The following MAP1B variants were observed in gnomAD, a reference collection of about 807,000 sequenced individuals.
The protein encoded by MAP1B is microtubule associated protein 1B, also known as microtubule-associated protein 1B.
In MAP1B, 12 loss-of-function variants were observed where a neutral mutation model predicts 176.1. That is an observed-to-expected ratio of 0.07 (90% CI 0.04 to 0.11). The LOEUF is 0.11. Among genes scored for constraint, MAP1B ranks in the 10% least tolerant of loss-of-function variants. The probability of loss-of-function intolerance (pLI) is 1.00; values close to 1 mark genes in which losing one functional copy is unlikely to be tolerated. For missense variants in MAP1B, 2,523 were observed against 2,990.5 expected (o/e 0.84, Z 3.65); for synonymous variants, 1,044 against 1,135.0 (o/e 0.92, Z 1.61).
intron 2 of MAP1B, among the ~76,000 whole-genome samples, chr5:72,157,839 T>A (rs1309488027): frequency 6.6e-6 from 1 of 152,104 alleles, no homozygotes; most frequent in African/African-American, 2.4e-5. Context: ...TAGAAAGCAG[T>A]TACTAAATGC....
At chr5:72,135,878 T>C (rs550070497) in intron 2 of MAP1B, among the ~76,000 whole-genome samples, 11 of 152,328 alleles carry the variant, frequency 7.2e-5, no homozygotes, top group African/African-American at 2.6e-4. Flanking sequence ...TAGATGATTA[T>C]TGCTCCTGTA....
intron 2 of MAP1B, among the ~76,000 whole-genome samples, chr5:72,143,413 C>T (rs980252149): frequency 2.0e-5 from 3 of 152,154 alleles, no homozygotes; most frequent in Admixed American, 6.5e-5. Context: ...TCATTATGAA[C>T]GTCATCCACA....
At chr5:72,124,031 G>A (rs1419348181) in intron 2 of MAP1B, among the ~76,000 whole-genome samples, 1 of 152,140 alleles carries the variant, frequency 6.6e-6, no homozygotes, top group East Asian at 1.9e-4. Context: ...TGAAAATGGA[G>A]AGTATAATAA....
chr5:72,161,603 T>G (rs1184829158), intron 2 of MAP1B, among the ~76,000 whole-genome samples: 1 of 152,142 alleles, frequency 6.6e-6, no homozygotes, highest in Non-Finnish European at 1.5e-5. Context: ...AAGGGACTTC[T>G]GCTCCCTCAG....
At chr5:72,124,329 A>G (rs1745585659) in intron 2 of MAP1B, among the ~76,000 whole-genome samples, 1 of 152,218 alleles carries the variant, frequency 6.6e-6, no homozygotes, top group African/African-American at 2.4e-5. Context: ...GGGACTGGAG[A>G]AATTAACATA....
chr5:72,162,233 G>C (rs1746341758), intron 2 of MAP1B, among the ~76,000 whole-genome samples: 1 of 152,040 alleles, frequency 6.6e-6, no homozygotes, highest in Non-Finnish European at 1.5e-5. Flanking sequence ...GTCTGAGCTG[G>C]GGAGAAAGGA....
In MAP1B at chr5:72,207,958, CTCTCTTTTTTT is replaced by C. The variant is rs750942581; in HGVS notation, c.*2721_*2731del. 3 of 138,884 alleles carry C rather than the reference CTCTCTTTTTTT, an allele frequency of 2.2e-5. No homozygotes were observed. Among genetic ancestry groups the C allele is most frequent in the African/African-American group, 5.2e-5 (2 of 38,270 alleles). 8.6% of individuals were successfully genotyped at this position (138,884 alleles called of 1,614,324 possible). A position where few individuals can be genotyped will look rare whatever the true frequency, so the allele number is the denominator to read the frequency against. ...CACCCTCCTCACTTTCTCTCTCTCT[CTCTCTTTTTTT>C]TTTTTTTTTTTTTTGCTATGGGATT... is the stretch of plus-strand genomic sequence containing the variant. On this transcript the variant is annotated 3_prime_UTR_variant, in exon 7 of 7. Transcript: ENST00000296755.
At chr5:72,192,026 CCT>C (rs1324701478) in intron 4 of MAP1B, among the ~76,000 whole-genome samples, 5 of 152,138 alleles carry the variant, frequency 3.3e-5, no homozygotes, top group African/African-American at 1.2e-4. Context: ...GGCTGCCACA[CCT>C]CTCAGCTAGG....
chr5:72,159,995 G>A (rs1005817822), intron 2 of MAP1B, among the ~76,000 whole-genome samples: 1 of 152,190 alleles, frequency 6.6e-6, no homozygotes, highest in Non-Finnish European at 1.5e-5. Context: ...GTCTTGTAGA[G>A]CTAAAATGTG....
intron 2 of MAP1B, among the ~76,000 whole-genome samples, chr5:72,164,329 G>A (rs2112184595): frequency 6.6e-6 from 1 of 152,248 alleles, no homozygotes; most frequent in African/African-American, 2.4e-5. Context: ...GTTCAGGTGA[G>A]GGTGTTGATA....
intron 2 of MAP1B, among the ~76,000 whole-genome samples, chr5:72,128,869 T>C (rs1745675098): frequency 6.6e-6 from 1 of 152,164 alleles, no homozygotes. Context: ...CCCAGGCTGG[T>C]CTCAATCTCC....
intron 2 of MAP1B, among the ~76,000 whole-genome samples, chr5:72,156,946 G>A (rs1402334326): frequency 6.6e-6 from 1 of 152,186 alleles, no homozygotes; most frequent in Non-Finnish European, 1.5e-5. Flanking sequence ...TGTAAGTCAC[G>A]AGTCAGAACT....
At chr5:72,168,010 C>T (rs12521476) in intron 2 of MAP1B, among the ~76,000 whole-genome samples, 2,511 of 152,366 alleles carry the variant, frequency 0.016, 73 homozygotes, top group Admixed American at 0.068. Flanking sequence ...AGCTGACGCA[C>T]GGAAAGCACT....
At chr5:72,153,755 GT>G (rs771124649) in intron 2 of MAP1B, among the ~76,000 whole-genome samples, 3 of 151,774 alleles carry the variant, frequency 2.0e-5, no homozygotes, top group African/African-American at 4.8e-5. Context: ...CTTTCCCTTT[GT>G]TTAGAGAACA....
At chr5:72,135,321 C>T (rs1745818818) in intron 2 of MAP1B, among the ~76,000 whole-genome samples, 1 of 152,138 alleles carries the variant, frequency 6.6e-6, no homozygotes, top group African/African-American at 2.4e-5. Context: ...TGTTTTTCAC[C>T]TCTAAAAATT....
At chr5:72,140,940 A>G (rs769667158) in intron 2 of MAP1B, among the ~76,000 whole-genome samples, 5 of 152,218 alleles carry the variant, frequency 3.3e-5, no homozygotes, top group Non-Finnish European at 5.9e-5. Context: ...CATTCTAGAC[A>G]GAAACCTTTT....
In MAP1B at chr5:72,198,649, T is replaced by C. The variant is rs1396026176; in HGVS notation, c.5294T>C (p.Leu1765Pro). 6.2e-7 allele frequency: 1 copy of C among 1,614,172 alleles called. No homozygotes were observed. The highest frequency in any genetic ancestry group is 1.7e-5 in the Admixed American group (1 of 60,026). Residue 1765 changes from leucine to proline, a missense_variant, in exon 5 of 7, where the codon CTC becomes CCC. Physicochemically the swap from Leu to Pro is moderately conservative, Grantham distance 98. Coordinates refer to ENST00000296755, the MANE Select transcript of MAP1B (RefSeq NM_005909.5). The stretch of plus-strand genomic sequence containing the variant: ...AGAGATATGTCCTTATATGCCTCAC[T>C]CACCTCTGAAAAAGTGCAAAGTCTG... ...PPRDMSLYAS[L>P]TSEKVQSLEG...
chr5:72,126,607 T>C (rs976008280), intron 2 of MAP1B, among the ~76,000 whole-genome samples: 2 of 152,252 alleles, frequency 1.3e-5, no homozygotes, highest in African/African-American at 4.8e-5. Context: ...AGTTTTTTTA[T>C]TCCATTATTC....
At chr5:72,173,650 A>G (rs904485949) in intron 2 of MAP1B, among the ~76,000 whole-genome samples, 12 of 152,244 alleles carry the variant, frequency 7.9e-5, no homozygotes, top group African/African-American at 2.9e-4. Flanking sequence ...CATCACAACA[A>G]AAATAATTCC....
Sources: gnomAD v4.1 joint callset for allele counts (sites outside exome capture counted in the v4.1 genomes callset) on GRCh38, gnomAD v4.1.1 for gene constraint, MANE v1.5 for transcripts, NCBI Gene and HGNC (gene_info 2026-07-23, HGNC 2026-07-21) for gene names.